Variants in MALRD1 observed in about 807,000 individuals in gnomAD.
MALRD1 encodes MAM and LDL receptor class A domain containing 1.
MALRD1 carries 247 observed loss-of-function variants against 242.1 expected under a neutral mutation model. The ratio of observed to expected loss-of-function variants is 1.02; its 90% CI spans 0.92 to 1.13. The LOEUF (loss-of-function observed/expected upper bound fraction) is 1.13. MALRD1 is among the 50% of genes most tolerant of loss of function. The probability of loss-of-function intolerance (pLI) is 0.00; values close to 1 mark genes in which losing one functional copy is unlikely to be tolerated. For missense variants in MALRD1, 2,989 were observed against 2,533.1 expected, an observed-to-expected ratio of 1.18 and a Z score of -3.86; for synonymous variants, 995 against 866.6, an observed-to-expected ratio of 1.15 and a Z score of -2.60.
At chr10:19,255,055 T>G (rs940618075) in intron 18 of MALRD1, among the ~76,000 whole-genome samples, 3 of 151,996 alleles carry the variant, frequency 2.0e-5, no homozygotes, top group Non-Finnish European at 2.9e-5. Flanking sequence ...AGTTCCAACG[T>G]GGTTACCAAG....
intron 36 of MALRD1, among the ~76,000 whole-genome samples, chr10:19,678,296 C>G (rs986766038): frequency 3.3e-5 from 5 of 152,110 alleles, no homozygotes; most frequent in African/African-American, 1.2e-4. Context: ...TCTTCCTATC[C>G]ATGAGCCTGG....
At chr10:19,382,914 C>A (rs912633969) in intron 26 of MALRD1, among the ~76,000 whole-genome samples, 4 of 152,116 alleles carry the variant, frequency 2.6e-5, no homozygotes, top group African/African-American at 9.7e-5. Context: ...ATTCTTATAA[C>A]CTTCAGTACC....
chr10:19,520,445 A>G (rs911518436), intron 31 of MALRD1, among the ~76,000 whole-genome samples: 12 of 152,048 alleles, frequency 7.9e-5, no homozygotes, highest in Non-Finnish European at 1.5e-4. Flanking sequence ...GTATATTTCT[A>G]CTTTCTCCTT....
chr10:19,286,868 A>C (rs955927719), intron 21 of MALRD1, among the ~76,000 whole-genome samples: 2 of 150,782 alleles, frequency 1.3e-5, no homozygotes, highest in African/African-American at 4.9e-5. Flanking sequence ...ACACAACCAA[A>C]AAAGAGAATT....
chr10:19,491,967 A>G (rs1170067311), intron 30 of MALRD1, among the ~76,000 whole-genome samples: 3 of 151,704 alleles, frequency 2.0e-5, no homozygotes, highest in African/African-American at 4.8e-5. Flanking sequence ...TGCAGTAGCA[A>G]TCTGCCTTTC....
At chr10:19,185,688 C>G (rs1376806624) in intron 14 of MALRD1, among the ~76,000 whole-genome samples, 1 of 152,090 alleles carries the variant, frequency 6.6e-6, no homozygotes, top group Non-Finnish European at 1.5e-5. Context: ...ATCTTATGTA[C>G]TCAGTATTGA....
At chr10:19,687,763 T>G (rs927645121) in intron 36 of MALRD1, among the ~76,000 whole-genome samples, 14 of 152,168 alleles carry the variant, frequency 9.2e-5, no homozygotes, top group African/African-American at 3.4e-4. Context: ...TTAGAGACAA[T>G]GACTGAAATA....
intron 2 of MALRD1, 45 bp from the exon 3 acceptor site, chr10:19,087,795 A>C: frequency 9.8e-7 from 1 of 1,020,624 alleles, no homozygotes; most frequent in Non-Finnish European, 1.2e-6. Context: ...GGTCTTATTC[A>C]TTCTTTCTGG....
chr10:19,059,711 T>A (rs957829258), intron 1 of MALRD1, among the ~76,000 whole-genome samples: 97 of 152,162 alleles, frequency 6.4e-4, no homozygotes, highest in African/African-American at 2.1e-3. Flanking sequence ...ATTTTTTTTT[T>A]ATAATGAAGA....
intron 36 of MALRD1, among the ~76,000 whole-genome samples, chr10:19,690,108 A>G (rs1842757055): frequency 6.6e-6 from 1 of 152,038 alleles, no homozygotes; most frequent in African/African-American, 2.4e-5. Flanking sequence ...TTTTCTCTAA[A>G]ATCTTTTTTT....
At chr10:19,228,223 G>A (rs7068674) in intron 18 of MALRD1, among the ~76,000 whole-genome samples, 1,921 of 152,202 alleles carry the variant, frequency 0.013, 42 homozygotes, top group African/African-American at 0.044. Context: ...ACAATAAAAA[G>A]GAGCAAACTG....
intron 28 of MALRD1, among the ~76,000 whole-genome samples, chr10:19,432,281 A>T (rs547083078): frequency 6.6e-6 from 1 of 152,204 alleles, no homozygotes; most frequent in Non-Finnish European, 1.5e-5. Context: ...AATATCACCT[A>T]TGTAAATGAA....
At chr10:19,471,317 A>G (rs1027917723) in intron 29 of MALRD1, among the ~76,000 whole-genome samples, 5 of 151,846 alleles carry the variant, frequency 3.3e-5, no homozygotes, top group Non-Finnish European at 7.4e-5. Context: ...CAGTATCCAC[A>G]CTGTTTTCAT....
At chr10:19,243,332 C>T (rs1838885055) in intron 18 of MALRD1, among the ~76,000 whole-genome samples, 1 of 151,820 alleles carries the variant, frequency 6.6e-6, no homozygotes, top group Non-Finnish European at 1.5e-5. Flanking sequence ...TTAAAGCAGC[C>T]CAAAGAATGT....
chr10:19,181,837 C>T (rs1052771343), intron 14 of MALRD1, among the ~76,000 whole-genome samples: 7 of 151,970 alleles, frequency 4.6e-5, no homozygotes, highest in African/African-American at 9.7e-5. Context: ...TGCTGTATAT[C>T]TTTAATATAC....
intron 28 of MALRD1, among the ~76,000 whole-genome samples, chr10:19,392,906 G>A (rs534396693): frequency 2.8e-4 from 42 of 152,236 alleles, no homozygotes; most frequent in Middle Eastern, 3.4e-3. Context: ...CTTCAACCAA[G>A]CCAAACACTG....
intron 28 of MALRD1, among the ~76,000 whole-genome samples, chr10:19,391,084 A>G (rs4264063): frequency 0.88 from 133,168 of 152,184 alleles, 58,510 homozygotes; most frequent in African/African-American, 0.92. Context: ...ACAGTAACAA[A>G]CTTTTTATTT....
At chr10:19,591,451 C>T (rs999006573) in intron 33 of MALRD1, among the ~76,000 whole-genome samples, 11 of 151,182 alleles carry the variant, frequency 7.3e-5, no homozygotes, top group Non-Finnish European at 1.3e-4. Context: ...ACTTTCTTAA[C>T]GGTGGCCACA....
intron 33 of MALRD1, among the ~76,000 whole-genome samples, chr10:19,583,643 T>C (rs1267995882): frequency 1.3e-5 from 2 of 152,144 alleles, no homozygotes; most frequent in Non-Finnish European, 2.9e-5. Context: ...TTATTGAGGA[T>C]TTTTGCATCA....
Sources: allele counts gnomAD v4.1 joint callset (sites outside exome capture counted in the v4.1 genomes callset), GRCh38; gene constraint gnomAD v4.1.1; transcripts MANE v1.5; gene names NCBI Gene and HGNC (gene_info 2026-07-23, HGNC 2026-07-21).